The following DIAPH2 variants were observed in gnomAD, a reference collection of about 807,000 sequenced individuals.
DIAPH2 encodes the protein diaphanous related formin 2, also known as protein diaphanous homolog 2.
In DIAPH2, 35 loss-of-function variants were observed where a neutral mutation model predicts 92.7. The ratio of observed to expected loss-of-function variants is 0.38; its 90% CI spans 0.29 to 0.50. The LOEUF (loss-of-function observed/expected upper bound fraction) is 0.50, where lower values mean the gene tolerates loss of function less well. Among genes scored for constraint, DIAPH2 ranks in the 20% least tolerant of loss-of-function variants. DIAPH2 has a pLI of 0.94. For synonymous variants in DIAPH2, 301 were observed against 280.4 expected (o/e 1.07, Z -0.73); for missense variants, 701 against 819.5 (o/e 0.86, Z 1.77).
intron 17 of DIAPH2, among the ~76,000 whole-genome samples, chrX:97,000,448 T>C (rs1379358775): frequency 8.9e-6 from 1 of 111,809 alleles, no homozygotes; most frequent in East Asian, 2.8e-4. Flanking sequence ...GATTCTTAAT[T>C]TAGTGATTCA....
At chrX:97,409,029 G>A (rs1489002194) in intron 25 of DIAPH2, among the ~76,000 whole-genome samples, 1 of 112,094 alleles carries the variant, frequency 8.9e-6, no homozygotes, top group African/African-American at 3.2e-5. Flanking sequence ...TAGAAACAGG[G>A]AATTCAACAA....
chrX:97,142,631 C>T (rs1444713947), intron 22 of DIAPH2, among the ~76,000 whole-genome samples: 2 of 111,480 alleles, frequency 1.8e-5, no homozygotes, highest in Non-Finnish European at 3.8e-5. Context: ...GGGTAATTAG[C>T]TTTGTCAGTA....
intron 23 of DIAPH2, among the ~76,000 whole-genome samples, chrX:97,327,139 C>T (rs867807496): frequency 8.9e-6 from 1 of 111,933 alleles, no homozygotes. Context: ...CACTCTGTTG[C>T]CCAGGCTGGA....
chrX:96,903,559 A>G (rs746547943), intron 5 of DIAPH2, among the ~76,000 whole-genome samples: 5 of 112,258 alleles, frequency 4.5e-5, no homozygotes, highest in Admixed American at 9.4e-5. Flanking sequence ...AATTATATCT[A>G]CTATTTCAAA....
At chrX:97,322,226 C>T (rs1357913558) in intron 23 of DIAPH2, among the ~76,000 whole-genome samples, 1 of 112,422 alleles carries the variant, frequency 8.9e-6, no homozygotes, top group East Asian at 2.8e-4. Context: ...AAATATTCTA[C>T]ATAGTTTGTG....
chrX:97,549,408 T>G (rs1022393671), intron 26 of DIAPH2, among the ~76,000 whole-genome samples: 1 of 111,761 alleles, frequency 8.9e-6, no homozygotes, highest in African/African-American at 3.2e-5. Flanking sequence ...GATACCCCCT[T>G]CACCCAGATT....
At chrX:97,028,855 G>T (rs1473454077) in intron 17 of DIAPH2, among the ~76,000 whole-genome samples, 1 of 111,660 alleles carries the variant, frequency 9.0e-6, no homozygotes, top group Non-Finnish European at 1.9e-5. Flanking sequence ...GGGTCATATA[G>T]TGATTCTGTG....
chrX:97,513,846 C>T lies in DIAPH2; in HGVS notation c.3241+84101C>T, dbSNP rs1161033324. Among the ~76,000 whole-genome samples, 41 of 102,922 alleles carry T rather than the reference C, an allele frequency of 4.0e-4. 1 individual carries two copies. Among genetic ancestry groups the T allele is most frequent in the African/African-American group, 1.5e-3 (41 of 27,336 alleles). 89.4% of individuals were successfully genotyped at this position (102,922 alleles called of 115,157 possible). A position where few individuals can be genotyped will look rare whatever the true frequency, so the allele number is the denominator to read the frequency against. ...AATGTTGAATATTGGCCCCCACTCTCTTCTGGCTTGTATGGTTTCTGCCGA... is the reference window on the plus strand; with the variant it reads ...AATGTTGAATATTGGCCCCCACTCTTTTCTGGCTTGTATGGTTTCTGCCGA... On this transcript the variant is annotated intron_variant, in intron 26 of 26. Transcript: ENST00000324765.
chrX:97,216,015 A>G (rs953006829), intron 22 of DIAPH2, among the ~76,000 whole-genome samples: 5 of 112,119 alleles, frequency 4.5e-5, no homozygotes, highest in African/African-American at 1.6e-4. Flanking sequence ...AGACTTATTC[A>G]CCGGCCTCAA....
intron 19 of DIAPH2, among the ~76,000 whole-genome samples, chrX:97,096,635 G>T (rs970437652): frequency 9.0e-6 from 1 of 110,963 alleles, no homozygotes; most frequent in Non-Finnish European, 1.9e-5. Flanking sequence ...AAGGGTGTGG[G>T]GTGTTCTCTG....
chrX:97,294,280 G>C (rs1464147623), intron 23 of DIAPH2, among the ~76,000 whole-genome samples: 1 of 111,875 alleles, frequency 8.9e-6, no homozygotes, highest in Non-Finnish European at 1.9e-5. Context: ...GCCTATCTAA[G>C]CAAGATCTCT....
chrX:96,754,378 T>C, intron 3 of DIAPH2, among the ~76,000 whole-genome samples: 1 of 112,212 alleles, frequency 8.9e-6, no homozygotes, highest in South Asian at 3.7e-4. Context: ...ATAAATAATA[T>C]GTAATTTGAG....
Position 97,206,176 on chromosome X carries a change from G to A in DIAPH2, c.2720-41539G>A, listed in dbSNP as rs192026219. ...TCATGGGGTCGGAGTCAAGGGGAGG[G>A]AGAGCATTAGGACAAATACCTAATG... is the stretch of plus-strand genomic sequence containing the variant. On this transcript the variant is annotated intron_variant, in intron 22 of 26. Transcript: ENST00000324765. 5.2e-3 allele frequency among the ~76,000 whole-genome samples: 576 copies of A among 110,807 alleles called. 2 individuals carry two copies. Among genetic ancestry groups the A allele is most frequent in the Non-Finnish European group, 9.3e-3 (495 of 52,945 alleles).
intron 26 of DIAPH2, among the ~76,000 whole-genome samples, chrX:97,543,529 G>A (rs925894054): frequency 4.5e-5 from 5 of 110,365 alleles, no homozygotes; most frequent in African/African-American, 1.7e-4. Context: ...TTGAGACAGA[G>A]TCTCACTCTG....
At chrX:97,256,655 T>TTTTG (rs750363840) in intron 23 of DIAPH2, among the ~76,000 whole-genome samples, 161 of 111,463 alleles carry the variant, frequency 1.4e-3, no homozygotes, top group East Asian at 4.2e-3. Context: ...TTTCTTCTGT[T>TTTTG]TTTGTTTGTT....
At chrX:97,562,663 C>G (rs6615915) in intron 26 of DIAPH2, among the ~76,000 whole-genome samples, 1 of 112,102 alleles carries the variant, frequency 8.9e-6, no homozygotes, top group East Asian at 2.8e-4. Context: ...TATCGTGCTG[C>G]TTCTACTTAT....
intron 26 of DIAPH2, among the ~76,000 whole-genome samples, chrX:97,496,147 G>A (rs1008620834): frequency 9.8e-6 from 1 of 101,728 alleles, no homozygotes; most frequent in Admixed American, 1.1e-4. Context: ...AAGATCAAGG[G>A]TAACAAATTT....
chrX:97,591,404 A>T (rs1023070429), intron 26 of DIAPH2, among the ~76,000 whole-genome samples: 2 of 112,483 alleles, frequency 1.8e-5, no homozygotes, highest in African/African-American at 6.5e-5. Context: ...TACCCTGCAG[A>T]TAGCTTATGC....
In DIAPH2 at chrX:96,991,282, A is replaced by T. The variant is rs182458036; in HGVS notation, c.2050+26075A>T. ...GATGCACGCCAACATGTCTCGCTAA[A>T]TTTTTTTGTATTTTTTGTAGAGAAG... On this transcript the variant is annotated intron_variant, in intron 17 of 26. Transcript: ENST00000324765. Among the ~76,000 whole-genome samples, 7 of 109,005 alleles carry T rather than the reference A, an allele frequency of 6.4e-5. No individual in the cohort carries two copies. The Admixed American group carries it at 6.9e-4, about 11-fold the overall frequency. 94.7% of individuals were successfully genotyped at this position (109,005 alleles called of 115,157 possible). A position where few individuals can be genotyped will look rare whatever the true frequency, so the allele number is the denominator to read the frequency against.
Sources: gnomAD v4.1 joint callset for allele counts (sites outside exome capture counted in the v4.1 genomes callset) on GRCh38, gnomAD v4.1.1 for gene constraint, MANE v1.5 for transcripts, NCBI Gene and HGNC (gene_info 2026-07-23, HGNC 2026-07-21) for gene names.